GABRG1: variants seen among roughly 807,000 people sequenced by gnomAD.
GABRG1 encodes gamma-aminobutyric acid type A receptor subunit gamma1.
A neutral mutation model predicts 49.8 loss-of-function variants in GABRG1; 49 were observed. The ratio of observed to expected loss-of-function variants is 0.98; its 90% CI spans 0.78 to 1.25. The LOEUF (loss-of-function observed/expected upper bound fraction) is 1.25, where lower values mean the gene tolerates loss of function less well. GABRG1 is among the 50% of genes most tolerant of loss of function. GABRG1 has a pLI of 0.00. For synonymous variants in GABRG1, 232 were observed against 185.1 expected (o/e 1.25, Z -2.06); for missense variants, 552 against 552.3 (o/e 1.00, Z 0.01).
chr4:46,109,878 T>C (rs1292905687), intron 1 of GABRG1, among the ~76,000 whole-genome samples: 1 of 151,060 alleles, frequency 6.6e-6, no homozygotes, highest in Non-Finnish European at 1.5e-5. Context: ...TCCAAGACTA[T>C]AGGTGGTATG....
chr4:46,085,209 G>C (rs1719711185), intron 2 of GABRG1, among the ~76,000 whole-genome samples: 4 of 151,376 alleles, frequency 2.6e-5, no homozygotes, highest in Admixed American at 1.3e-4. Flanking sequence ...ATTTTCTTTA[G>C]AGGATAAATG....
intron 2 of GABRG1, among the ~76,000 whole-genome samples, chr4:46,094,727 C>T (rs1024959883): frequency 4.0e-5 from 6 of 151,846 alleles, no homozygotes; most frequent in African/African-American, 1.4e-4. Context: ...TCTCCCCGAC[C>T]ACAAAATAAA....
intron 3 of GABRG1, among the ~76,000 whole-genome samples, chr4:46,073,118 A>T (rs1719199038): frequency 6.6e-6 from 1 of 152,030 alleles, no homozygotes; most frequent in Admixed American, 6.6e-5. Context: ...ATGTTTCCAT[A>T]AACCTTTATT....
At chr4:46,087,976 C>T (rs1348178473) in intron 2 of GABRG1, among the ~76,000 whole-genome samples, 1 of 151,992 alleles carries the variant, frequency 6.6e-6, no homozygotes, top group Non-Finnish European at 1.5e-5. Flanking sequence ...AAATTAATTG[C>T]ATTTAAATGA....
chr4:46,101,363 A>G (rs1720372701), intron 1 of GABRG1, among the ~76,000 whole-genome samples: 1 of 151,264 alleles, frequency 6.6e-6, no homozygotes, highest in Non-Finnish European at 1.5e-5. Flanking sequence ...TGAATTTCCT[A>G]ATTCACAAGA....
chr4:46,065,889 A>AT (rs1352796115), intron 3 of GABRG1, among the ~76,000 whole-genome samples: 2 of 152,020 alleles, frequency 1.3e-5, no homozygotes, highest in East Asian at 1.9e-4. Context: ...CGCCTGGCTA[A>AT]TTTTTTGTAT....
chr4:46,051,167 C>A (rs751070307), intron 8 of GABRG1, among the ~76,000 whole-genome samples: 4 of 151,646 alleles, frequency 2.6e-5, no homozygotes, highest in Admixed American at 6.6e-5. Flanking sequence ...GTTTGAGGTA[C>A]AAAGAATCTA....
intron 5 of GABRG1, among the ~76,000 whole-genome samples, chr4:46,059,614 T>C (rs1718595277): frequency 6.6e-6 from 1 of 152,030 alleles, no homozygotes; most frequent in Non-Finnish European, 1.5e-5. Context: ...GGTTTTGCCA[T>C]GTTGGCCAGG....
At chr4:46,069,722 T>A (rs1246586640) in intron 3 of GABRG1, among the ~76,000 whole-genome samples, 1 of 152,060 alleles carries the variant, frequency 6.6e-6, no homozygotes, top group African/African-American at 2.4e-5. Flanking sequence ...TTAGCAGACA[T>A]TTTTCAGTGT....
chr4:46,097,293 A>G lies in GABRG1; in HGVS notation c.161T>C (p.Val54Ala), dbSNP rs747622500. The G allele has an allele frequency of 2.5e-6, 4 of 1,611,180 alleles. No individual in the cohort carries two copies. The East Asian group carries it at 8.9e-5, about 36-fold the overall frequency. ...DEDLTVNKTWVLAPKIHEGDI... is the reference protein window; with the variant it reads ...DEDLTVNKTWALAPKIHEGDI... ...TCCTTCATGAATTTTTGGGGCCAAG[A>G]CCCAGGTTTTGTTCACCGTTAAATC... The change falls in exon 2 of 9, where the codon GTC becomes GCC. Residue 54 changes from valine (V) to alanine (A), a missense_variant. Physicochemically the swap from Val to Ala is moderately conservative, Grantham distance 64. Transcript: ENST00000295452.
intron 1 of GABRG1, among the ~76,000 whole-genome samples, chr4:46,117,763 C>CATATACATATATACATACATGT (rs1215306343): frequency 5.1e-5 from 7 of 137,482 alleles, no homozygotes; most frequent in Admixed American, 2.2e-4. Flanking sequence ...CATGTATATA[C>CATATACATATATACATACATGT]ATATACATAT....
chr4:46,077,717 T>C (rs974064647), intron 3 of GABRG1, among the ~76,000 whole-genome samples: 19 of 152,020 alleles, frequency 1.2e-4, no homozygotes, highest in African/African-American at 4.3e-4. Context: ...GGATGACATA[T>C]CTTTTCTGAT....
intron 3 of GABRG1, among the ~76,000 whole-genome samples, chr4:46,075,052 A>T (rs2109416271): frequency 6.6e-6 from 1 of 151,932 alleles, no homozygotes; most frequent in Middle Eastern, 3.4e-3. Context: ...TCATGAAAAC[A>T]TTATAAAATA....
intron 2 of GABRG1, among the ~76,000 whole-genome samples, chr4:46,087,636 T>C (rs1051651513): frequency 6.6e-6 from 1 of 151,832 alleles, no homozygotes; most frequent in Non-Finnish European, 1.5e-5. Flanking sequence ...AGTTATTAAA[T>C]GGTAGAGCTT....
At chr4:46,090,754 T>C (rs1366471534) in intron 2 of GABRG1, among the ~76,000 whole-genome samples, 1 of 151,858 alleles carries the variant, frequency 6.6e-6, no homozygotes, top group African/African-American at 2.4e-5. Context: ...ATAATGAAAA[T>C]GACGTGAGTT....
At chr4:46,086,366 T>A (rs1405699501) in intron 2 of GABRG1, among the ~76,000 whole-genome samples, 3 of 151,640 alleles carry the variant, frequency 2.0e-5, no homozygotes, top group African/African-American at 7.2e-5. Flanking sequence ...GGTGGGTAAT[T>A]GGTATATCAG....
rs1718872339 is a variant in GABRG1 at position 46,065,427 on chromosome 4, C to T, written c.479G>A (p.Trp160Ter). 5 of 1,613,596 alleles carry T rather than the reference C, an allele frequency of 3.1e-6. No homozygotes were observed. Among genetic ancestry groups the T allele is most frequent in the Non-Finnish European group, 4.2e-6 (5 of 1,179,812 alleles). Residue 160 changes from tryptophan (W) to a stop codon, truncating the protein, a stop_gained, in exon 4 of 9, where the codon TGG becomes TAG. Coordinates refer to ENST00000295452, the MANE Select transcript of GABRG1 (RefSeq NM_173536.4). LOFTEE classifies it high-confidence loss of function. ...FRNSRKSDAH[W>*]ITTPNRLLRI... is the part of the protein sequence containing the mutation. The stretch of plus-strand genomic sequence containing the variant: ...AAGCAGACGATTAGGAGTTGTTATC[C>T]AGTGAGCATCAGATTTTCTTGAGTT...
chr4:46,085,518 T>C (rs563879800), intron 2 of GABRG1, among the ~76,000 whole-genome samples: 2 of 151,714 alleles, frequency 1.3e-5, no homozygotes, highest in African/African-American at 2.4e-5. Context: ...ACGAATCTTT[T>C]TGAGTTATTC....
At chr4:46,079,469 T>C (rs965682073) in intron 3 of GABRG1, among the ~76,000 whole-genome samples, 38 of 151,902 alleles carry the variant, frequency 2.5e-4, no homozygotes, top group African/African-American at 8.0e-4. Context: ...ACTTTTGCGA[T>C]TGGAAAATAT....
Sources: allele counts gnomAD v4.1 joint callset (sites outside exome capture counted in the v4.1 genomes callset), GRCh38; gene constraint gnomAD v4.1.1; transcripts MANE v1.5; gene names NCBI Gene and HGNC (gene_info 2026-07-23, HGNC 2026-07-21).